DDX25: variants seen among roughly 807,000 people sequenced by gnomAD.
DDX25 encodes the protein ATP-dependent RNA helicase DDX25.
In DDX25, 70 loss-of-function variants were observed where a neutral mutation model predicts 64.6. The observed-to-expected ratio is 1.08, with a 90% CI of 0.89 to 1.32. The LOEUF is 1.32. Among genes scored for constraint, DDX25 ranks in the 40% most tolerant of loss-of-function variants. DDX25 has a pLI of 0.00. For synonymous variants in DDX25, 211 were observed against 213.3 expected, an observed-to-expected ratio of 0.99 and a Z score of 0.09; for missense variants, 587 against 604.4, an observed-to-expected ratio of 0.97 and a Z score of 0.30.
intron 6 of DDX25, among the ~76,000 whole-genome samples, chr11:125,908,781 G>A (rs2134275580): frequency 6.6e-6 from 1 of 152,292 alleles, no homozygotes; most frequent in Middle Eastern, 3.4e-3. Context: ...TGTCTGTAAA[G>A]ATAGCATCTG....
At position 125,918,689 on chromosome 11, in the gene DDX25, T is replaced by C; in HGVS notation, c.1100T>C (p.Leu367Ser). 1 of 1,613,958 alleles carries C rather than the reference T, an allele frequency of 6.2e-7. No homozygotes were observed. The highest frequency in any genetic ancestry group is 2.2e-5 in the East Asian group (1 of 44,880). ...EMIQDGHQVS[L>S]LSGELTVEQR... ...ATACAGGATGGCCACCAGGTGTCTTTGTTAAGCGGGGAGCTGACCGTGGAG... is the reference window on the plus strand; with the variant it reads ...ATACAGGATGGCCACCAGGTGTCTTCGTTAAGCGGGGAGCTGACCGTGGAG... Residue 367 changes from leucine (L) to serine (S), a missense_variant, in exon 10 of 12, where the codon TTG becomes TCG. Coordinates refer to ENST00000263576, the MANE Select transcript of DDX25 (RefSeq NM_013264.5).
Position 125,921,244 on chromosome 11 carries a change from CAAG to C in DDX25, c.1256_1258del (p.Gln419_Gly420delinsArg). ...TGTGAACTTTGATCTCCCTGTAAAA[CAAG>C]GAGAGGAGCCGGACTATGAGACCTA... On this transcript the variant is annotated inframe_deletion, in exon 11 of 12. Coordinates refer to ENST00000263576, the MANE Select transcript of DDX25 (RefSeq NM_013264.5). The surrounding 1 kb of genome is among the most constrained non-coding windows in gnomAD (Gnocchi z 4.1). 1 of 1,612,908 alleles carries C rather than the reference CAAG, an allele frequency of 6.2e-7. No homozygotes were observed. Among genetic ancestry groups the C allele is most frequent in the Non-Finnish European group, 8.5e-7 (1 of 1,179,574 alleles).
At chr11:125,911,600 TAAAATA>T (rs1944970022) in intron 8 of DDX25, 112 bp downstream of exon 8, 1 of 1,115,018 alleles carries the variant, frequency 9.0e-7, no homozygotes, top group Non-Finnish European at 1.2e-6. Context: ...CCTTCACCTC[TAAAATA>T]AATTTGAGTT....
In DDX25 at chr11:125,925,550, G is replaced by A; in HGVS notation, c.*2669G>A. On this transcript the variant is annotated 3_prime_UTR_variant, in exon 12 of 12. Transcript: ENST00000263576. ...TCAGTGCCTGCCTGAGGACAGAGTA[G>A]ATAGAGAGGCAAGGAAACACCAGGT... 1 of 436,856 alleles carries A rather than the reference G, an allele frequency of 2.3e-6. No homozygotes were observed. The highest frequency in any genetic ancestry group is 7.2e-5 in the East Asian group (1 of 13,902). The allele number at this position is 436,856 out of a possible 1,614,324, so 27.1% of individuals were successfully genotyped here. A position where few individuals can be genotyped will look rare whatever the true frequency, so the allele number is the denominator to read the frequency against.
intron 8 of DDX25, among the ~76,000 whole-genome samples, chr11:125,912,924 G>A (rs1944984148): frequency 6.6e-6 from 1 of 152,064 alleles, no homozygotes; most frequent in South Asian, 2.1e-4. Context: ...TTGGGAGGCC[G>A]AGACGGGTGG....
rs761500788 is a variant in DDX25, at chr11:125,918,661, A to T, written c.1072A>T (p.Met358Leu). The T allele has an allele frequency of 3.7e-6, 6 of 1,613,506 alleles. No homozygotes were observed. The highest frequency in any genetic ancestry group is 1.7e-5 in the Admixed American group (1 of 59,968). Residue 358 changes from methionine (M) to leucine (L), a missense_variant, in exon 10 of 12, where the codon ATG becomes TTG. Physicochemically the swap from Met to Leu is conservative, Grantham distance 15 (BLOSUM62 2). Transcript: ENST00000263576. The part of the protein sequence containing the change: ...RRNAKWLTVE[M>L]IQDGHQVSLL... ...AAACGCTAAGTGGTTGACCGTGGAG[A>T]TGATACAGGATGGCCACCAGGTGTC... is the stretch of plus-strand genomic sequence containing the variant.
rs887009933 is a variant in DDX25, at chr11:125,927,580, A to G, written c.*4699A>G. On this transcript the variant is annotated 3_prime_UTR_variant, in exon 12 of 12. Coordinates refer to ENST00000263576, the MANE Select transcript of DDX25 (RefSeq NM_013264.5). ...TTTTCATAAATGAGGATGGTCTCCT[A>G]TTTTGAGCTTAACATTTTTCTATTG... The G allele has an allele frequency of 6.6e-6, 1 of 152,132 alleles. No homozygotes were observed. Among genetic ancestry groups the G allele is most frequent in the African/African-American group, 2.4e-5 (1 of 41,438 alleles). The allele number at this position is 152,132 out of a possible 1,614,324, so 9.4% of individuals were successfully genotyped here.
Position 125,905,590 on chromosome 11 carries a change from A to G in DDX25, c.168A>G (p.Glu56=). The G allele has an allele frequency of 1.3e-6, 2 of 1,551,638 alleles. No individual in the cohort carries two copies. Among genetic ancestry groups the G allele is most frequent in the Non-Finnish European group, 1.7e-6 (2 of 1,146,782 alleles). ...ATAACATCAATGAAGATGATGAAGA[A>G]GATGTAGGTAGGAGATGAATTCATT... The part of the protein sequence containing the change: ...SINNINEDDE[E]DVVDLAANSL... The change falls in exon 3 of 12, where the codon GAA becomes GAG. Residue 56 remains glutamate, a synonymous_variant. Transcript: ENST00000263576.
At chr11:125,907,408 A>G (rs540103808) in intron 4 of DDX25, among the ~76,000 whole-genome samples, 4 of 152,136 alleles carry the variant, frequency 2.6e-5, no homozygotes, top group Admixed American at 6.5e-5. Flanking sequence ...GGAGATCGAG[A>G]CCATCCTGGC....
chr11:125,904,275 C>T (rs1173578265), upstream of DDX25: 3 of 50,474 alleles, frequency 5.9e-5, no homozygotes, highest in African/African-American at 3.0e-4. Context: ...TCGCCCCGCT[C>T]TCTGCCCTCC....
intron 7 of DDX25, among the ~76,000 whole-genome samples, chr11:125,910,885 C>T (rs1448874070): frequency 6.7e-6 from 1 of 148,354 alleles, no homozygotes; most frequent in Non-Finnish European, 1.5e-5. Flanking sequence ...CCAAAGATCA[C>T]ATAGTAAACA....
chr11:125,910,640 T>C (rs1399342445), intron 7 of DDX25, among the ~76,000 whole-genome samples, 162 bp downstream of exon 7: 1 of 152,224 alleles, frequency 6.6e-6, no homozygotes, highest in Non-Finnish European at 1.5e-5. Flanking sequence ...TGGTAAAGCA[T>C]TGTACACAAT....
intron 7 of DDX25, 126 bp downstream of exon 7, chr11:125,910,604 A>G: frequency 1.3e-6 from 1 of 791,936 alleles, no homozygotes; most frequent in Non-Finnish European, 2.1e-6. Flanking sequence ...CATGTCATAG[A>G]GTTGTTATTA....
rs1591522624 is a variant in DDX25, at chr11:125,922,705, G to C, written c.1391-115G>C. On this transcript the variant is annotated intron_variant, in intron 11 of 11. Coordinates refer to ENST00000263576, the MANE Select transcript of DDX25 (RefSeq NM_013264.5). Reference sequence around the variant, plus strand: ...GATTTTGGCACCCTTCCTTCCTTATGTTCCTATACCAAGGCTTTTTATACG... The same window carrying C: ...GATTTTGGCACCCTTCCTTCCTTATCTTCCTATACCAAGGCTTTTTATACG... 4.4e-6 allele frequency: 4 copies of C among 912,586 alleles called. No homozygotes were observed. In the East Asian group the frequency reaches 1.1e-4, roughly 25 times the overall value. 56.5% of individuals were successfully genotyped at this position (912,586 alleles called of 1,614,324 possible).
chr11:125,912,046 A>AT (rs1428890130), intron 8 of DDX25, among the ~76,000 whole-genome samples: 3 of 152,190 alleles, frequency 2.0e-5, no homozygotes, highest in Admixed American at 1.3e-4. Flanking sequence ...TGTATCACGT[A>AT]TTTTTTAATG....
intron 3 of DDX25, 102 bp from the exon 4 acceptor site, chr11:125,905,972 T>C: frequency 7.3e-7 from 1 of 1,376,306 alleles, no homozygotes; most frequent in Non-Finnish European, 9.6e-7. Context: ...AAAATGAGCG[T>C]AGGTGCAATT....
rs529479401 is a variant in DDX25 at position 125,924,343 on chromosome 11, G to A, written c.*1462G>A. Reference sequence around the variant, plus strand: ...CCTTTATGCCAAACACCAGGGAAAAGGAGGTGAGTGAGATACAACAGCCAT... The same window carrying A: ...CCTTTATGCCAAACACCAGGGAAAAAGAGGTGAGTGAGATACAACAGCCAT... On this transcript the variant is annotated 3_prime_UTR_variant, in exon 12 of 12. Transcript: ENST00000263576. 4 of 152,390 alleles carry A rather than the reference G, an allele frequency of 2.6e-5. No homozygotes were observed. The highest frequency in any genetic ancestry group is 4.2e-4 in the South Asian group (2 of 4,818). The allele number at this position is 152,390 out of a possible 1,614,324, so 9.4% of individuals were successfully genotyped here. A position where few individuals can be genotyped will look rare whatever the true frequency, so the allele number is the denominator to read the frequency against.
Position 125,924,130 on chromosome 11 carries a change from T to G in DDX25, c.*1249T>G, listed in dbSNP as rs142501388. Reference sequence around the variant, plus strand: ...AAATATAAAAATTAGCTGGGCGTGGTGGTACGCGTGCCTGTAATCCCAGCT... The same window carrying G: ...AAATATAAAAATTAGCTGGGCGTGGGGGTACGCGTGCCTGTAATCCCAGCT... On this transcript the variant is annotated 3_prime_UTR_variant, in exon 12 of 12. Coordinates refer to ENST00000263576, the MANE Select transcript of DDX25 (RefSeq NM_013264.5). The G allele has an allele frequency of 2.0e-5, 3 of 152,136 alleles. No homozygotes were observed. The highest frequency in any genetic ancestry group is 4.8e-5 in the African/African-American group (2 of 41,402). 9.4% of individuals were successfully genotyped at this position (152,136 alleles called of 1,614,324 possible).
intron 4 of DDX25, among the ~76,000 whole-genome samples, chr11:125,906,925 A>G (rs981796132): frequency 6.6e-6 from 1 of 152,012 alleles, no homozygotes; most frequent in African/African-American, 2.4e-5. Flanking sequence ...TTCATCCTGC[A>G]GTGCTCAGGG....
Sources: gnomAD v4.1 joint callset for allele counts (sites outside exome capture counted in the v4.1 genomes callset) on GRCh38, gnomAD v4.1.1 for gene constraint, Gnocchi (gnomAD v3.1) non-coding constraint, MANE v1.5 for transcripts, NCBI Gene and HGNC (gene_info 2026-07-23, HGNC 2026-07-21) for gene names.